The following MPDZ variants were observed in gnomAD, a reference collection of about 807,000 sequenced individuals.
MPDZ encodes multiple PDZ domain protein.
Under a neutral mutation model 239.1 loss-of-function variants are expected in MPDZ, and 234 were observed. The ratio of observed to expected loss-of-function variants is 0.98; its 90% CI spans 0.88 to 1.09. The LOEUF (loss-of-function observed/expected upper bound fraction) is 1.09, where lower values mean the gene tolerates loss of function less well. Among genes scored for constraint, MPDZ ranks in the 50% least tolerant of loss-of-function variants. The probability of loss-of-function intolerance (pLI) is 0.00; values close to 1 mark genes in which losing one functional copy is unlikely to be tolerated. For synonymous variants in MPDZ, 1,048 were observed against 881.3 expected (o/e 1.19, Z -3.35); for missense variants, 3,175 against 2,510.0 (o/e 1.26, Z -5.66).
intron 30 of MPDZ, among the ~76,000 whole-genome samples, chr9:13,136,456 C>A (rs777199851): frequency 2.7e-5 from 4 of 150,454 alleles, no homozygotes; most frequent in Non-Finnish European, 4.4e-5. Flanking sequence ...TTCAGCCTCC[C>A]TAGTAGCTGG....
At chr9:13,118,821 A>C (rs1376041375) in intron 39 of MPDZ, among the ~76,000 whole-genome samples, 4 of 152,224 alleles carry the variant, frequency 2.6e-5, no homozygotes, top group Admixed American at 6.5e-5. Flanking sequence ...ATGATCCTTC[A>C]TGGTGAGTTT....
At chr9:13,133,683 C>A (rs183772406) in intron 32 of MPDZ, 141 bp downstream of exon 32, 20 of 538,032 alleles carry the variant, frequency 3.7e-5, no homozygotes, top group African/African-American at 3.3e-4. Flanking sequence ...TTTGAGTGGG[C>A]CCAAGTATTT....
intron 10 of MPDZ, among the ~76,000 whole-genome samples, chr9:13,215,800 T>C (rs551647120): frequency 7.9e-5 from 10 of 126,872 alleles, no homozygotes; most frequent in Admixed American, 3.0e-4. Context: ...CAAGATCTCA[T>C]TCTGCTGCCC....
chr9:13,234,695 C>A (rs1043942302), intron 3 of MPDZ, among the ~76,000 whole-genome samples: 7 of 152,134 alleles, frequency 4.6e-5, no homozygotes, highest in African/African-American at 1.7e-4. Context: ...AACTGACATA[C>A]ATTGCTAGTT....
chr9:13,125,089 T>C lies in MPDZ; in HGVS notation c.4807+127A>G, dbSNP rs562812471. On this transcript the variant is annotated intron_variant, in intron 35 of 46. Transcript: ENST00000319217. The stretch of plus-strand genomic sequence containing the variant: ...CTCTCTTTATATCCTGCCCTCACCA[T>C]AGGGCTCCCTGACTACAACCTTCCA... 181 of 815,176 alleles carry C rather than the reference T, an allele frequency of 2.2e-4. 2 individuals are homozygous for C. In the South Asian group the frequency reaches 3.7e-3, roughly 17 times the overall value. 50.5% of individuals were successfully genotyped at this position (815,176 alleles called of 1,614,324 possible).
chr9:13,201,391 C>G (rs1404208544), intron 12 of MPDZ, among the ~76,000 whole-genome samples: 2 of 151,510 alleles, frequency 1.3e-5, no homozygotes, highest in Non-Finnish European at 2.9e-5. Flanking sequence ...TATGATGTGC[C>G]TTGGGGATTT....
chr9:13,112,919 A>T, intron 42 of MPDZ, 92 bp downstream of exon 42: 1 of 1,212,022 alleles, frequency 8.3e-7, no homozygotes, highest in Non-Finnish European at 1.2e-6. Context: ...TGAGATGAAT[A>T]CTTTAAAACC....
chr9:13,266,936 T>C (rs934362836), intron 1 of MPDZ, among the ~76,000 whole-genome samples: 15 of 152,306 alleles, frequency 9.8e-5, no homozygotes, highest in South Asian at 4.1e-4. Context: ...ACAAACTAAC[T>C]TTCCATATCA....
chr9:13,175,941 C>A, intron 20 of MPDZ, 66 bp from the exon 21 acceptor site: 1 of 1,509,498 alleles, frequency 6.6e-7, no homozygotes, highest in Non-Finnish European at 8.9e-7. Context: ...AGCGTGATTT[C>A]AACATCACGC....
chr9:13,129,913 A>G (rs1347516370), intron 32 of MPDZ, among the ~76,000 whole-genome samples: 2 of 152,350 alleles, frequency 1.3e-5, no homozygotes, highest in African/African-American at 4.8e-5. Context: ...AGAGTAAACA[A>G]GAATTAAAAG....
At chr9:13,165,357 T>G (rs1309641431) in intron 22 of MPDZ, 25 of 1,549,256 alleles carry the variant, frequency 1.6e-5, no homozygotes, top group Admixed American at 2.0e-5. Context: ...TTCGAATCAC[T>G]GATACTCACA....
At chr9:13,136,332 T>C (rs944215007) in intron 30 of MPDZ, 150 bp from the exon 31 acceptor site, 27 of 486,644 alleles carry the variant, frequency 5.5e-5, no homozygotes, top group Middle Eastern at 5.5e-4. Context: ...TTTCTTTTTT[T>C]TTTTTTTTTT....
At chr9:13,151,407 A>T (rs769463177) in intron 24 of MPDZ, among the ~76,000 whole-genome samples, 6 of 152,166 alleles carry the variant, frequency 3.9e-5, no homozygotes, top group African/African-American at 7.2e-5. Context: ...TTATCTATCA[A>T]GAAATGAGTA....
At chr9:13,233,351 A>G (rs1963058565) in intron 3 of MPDZ, among the ~76,000 whole-genome samples, 1 of 152,174 alleles carries the variant, frequency 6.6e-6, no homozygotes, top group African/African-American at 2.4e-5. Context: ...AAGAACTACT[A>G]CTACACATAC....
intron 27 of MPDZ, 73 bp from the exon 28 acceptor site, chr9:13,140,222 T>C (rs1947444386): frequency 6.8e-7 from 1 of 1,476,546 alleles, no homozygotes; most frequent in East Asian, 2.3e-5. Flanking sequence ...GAAATAAGAG[T>C]ATACTGTCAA....
At chr9:13,114,107 C>T (rs999904489) in intron 40 of MPDZ, 86 bp from the exon 41 acceptor site, 1 of 1,013,712 alleles carries the variant, frequency 9.9e-7, no homozygotes. Context: ...AATCTAGAGA[C>T]AGATACCTGT....
At position 13,215,109 on chromosome 9, in the gene MPDZ, T is replaced by C. The variant is rs114568111; in HGVS notation, c.1290+1665A>G. Among the ~76,000 whole-genome samples, 562 of 152,032 alleles carry C rather than the reference T, an allele frequency of 3.7e-3. 5 individuals carry two copies. The highest frequency in any genetic ancestry group is 0.013 in the African/African-American group (537 of 41,506). On this transcript the variant is annotated intron_variant, in intron 10 of 46. Coordinates refer to ENST00000319217, the MANE Select transcript of MPDZ (RefSeq NM_001378778.1). Reference sequence around the variant, plus strand: ...TTGCAGAACTGCAGAAATATACCCATTGAACAACTCCTCATTTCCCCTCTC... The same window carrying C: ...TTGCAGAACTGCAGAAATATACCCACTGAACAACTCCTCATTTCCCCTCTC...
At chr9:13,196,531 C>A (rs867939755) in intron 12 of MPDZ, among the ~76,000 whole-genome samples, 6 of 152,200 alleles carry the variant, frequency 3.9e-5, no homozygotes, top group Middle Eastern at 6.8e-3. Flanking sequence ...CCAGAATTCA[C>A]TTCATAGTCC....
chr9:13,155,738 T>A (rs974604511), intron 24 of MPDZ, among the ~76,000 whole-genome samples: 1 of 152,348 alleles, frequency 6.6e-6, no homozygotes, highest in African/African-American at 2.4e-5. Context: ...ATGTTTTCAA[T>A]GCTATGAACC....
Sources: gnomAD v4.1 joint callset for allele counts (sites outside exome capture counted in the v4.1 genomes callset) on GRCh38, gnomAD v4.1.1 for gene constraint, MANE v1.5 for transcripts, NCBI Gene and HGNC (gene_info 2026-07-23, HGNC 2026-07-21) for gene names.